Variants in CELA3A observed in about 807,000 individuals in gnomAD.
CELA3A encodes the protein chymotrypsin like elastase 3A.
A neutral mutation model predicts 38.6 loss-of-function variants in CELA3A; 35 were observed. That is an observed-to-expected ratio of 0.91 (90% confidence interval 0.69 to 1.20). The LOEUF (loss-of-function observed/expected upper bound fraction) is 1.20, where lower values mean the gene tolerates loss of function less well. CELA3A is among the 50% of genes most tolerant of loss of function. The pLI is 0.00. For synonymous variants in CELA3A, 143 were observed against 136.7 expected, an observed-to-expected ratio of 1.05 and a Z score of -0.32; for missense variants, 343 against 354.2, an observed-to-expected ratio of 0.97 and a Z score of 0.25.
chr1:22,002,468 G>C (rs1234891606), intron 1 of CELA3A: 1 of 449,832 alleles, frequency 2.2e-6, no homozygotes, highest in Non-Finnish European at 4.5e-6. Context: ...GAGTAGCTGA[G>C]ATTATAGGCA....
At chr1:22,004,817 G>C (rs1644939264) in intron 2 of CELA3A, among the ~76,000 whole-genome samples, 2 of 151,094 alleles carry the variant, frequency 1.3e-5, no homozygotes, top group Admixed American at 1.3e-4. Context: ...AGAGTCAGGG[G>C]GGCTGGGCGC....
chr1:22,005,751 A>C lies in CELA3A; in HGVS notation c.317A>C (p.Glu106Ala), dbSNP rs1033305351. 29 of 1,611,694 alleles carry C rather than the reference A, an allele frequency of 1.8e-5. No homozygotes were observed. Among genetic ancestry groups the C allele is most frequent in the Middle Eastern group, 1.7e-4 (1 of 5,758 alleles). Reference protein sequence around the residue: ...PEQVIPINSEELFVHPLWNRS... With the variant: ...PEQVIPINSEALFVHPLWNRS... ...CAGGTGATCCCCATCAACTCTGAGG[A>C]GCTGTTTGTGCATCCACTCTGGAAC... The change falls in exon 4 of 8, where the codon GAG becomes GCG. Residue 106 changes from glutamate to alanine, a missense_variant. Coordinates refer to ENST00000290122, the MANE Select transcript of CELA3A (RefSeq NM_005747.5).
At chr1:22,007,970 A>G (rs1378140069) in intron 6 of CELA3A, among the ~76,000 whole-genome samples, 1 of 150,708 alleles carries the variant, frequency 6.6e-6, no homozygotes, top group Admixed American at 6.6e-5. Flanking sequence ...TAGGTAATAT[A>G]GTGAGATGCC....
chr1:22,012,231 C>G (rs1301968944), intron 7 of CELA3A, among the ~76,000 whole-genome samples: 2 of 126,582 alleles, frequency 1.6e-5, no homozygotes, highest in Non-Finnish European at 3.2e-5. Flanking sequence ...TAAATTTGTG[C>G]TGGGCATTGT....
At chr1:22,006,465 T>C (rs1333407662) in intron 4 of CELA3A, among the ~76,000 whole-genome samples, 1 of 151,276 alleles carries the variant, frequency 6.6e-6, no homozygotes, top group Non-Finnish European at 1.5e-5. Flanking sequence ...AGGCGGAGGC[T>C]GCAGTGAGCC....
intron 7 of CELA3A, chr1:22,010,736 T>C (rs1165444134): frequency 6.6e-6 from 1 of 151,822 alleles, no homozygotes; most frequent in Non-Finnish European, 1.4e-5. Context: ...TTCTGGGCCA[T>C]AGTGCGCTAT....
chr1:22,005,501 C>T lies in CELA3A; in HGVS notation c.184C>T (p.Leu62Phe), dbSNP rs1179401968. The T allele has an allele frequency of 6.2e-7, 1 of 1,613,136 alleles. No homozygotes were observed. The highest frequency in any genetic ancestry group is 1.7e-5 in the Admixed American group (1 of 59,982). The change falls in exon 3 of 8, where the codon CTC becomes TTC. Residue 62 changes from leucine to phenylalanine, a missense_variant. Transcript: ENST00000290122. ...GSFYHTCGGS[L>F]IAPDWVVTAG... ...CTTCTACCACACGTGTGGCGGTAGC[C>T]TCATCGCCCCCGATTGGGTTGTGAC...
intron 2 of CELA3A, 56 bp from the exon 3 acceptor site, chr1:22,005,391 G>A: frequency 6.3e-7 from 1 of 1,597,902 alleles, no homozygotes; most frequent in South Asian, 1.1e-5. Context: ...AGCCATTGGT[G>A]GCAACTCTCA....
Position 22,005,585 on chromosome 1 carries a change from C to T in CELA3A, c.227+41C>T, listed in dbSNP as rs369631147. ...TGTCCCTGCCTGTGGCCCTGGGCAGCGGGGGAGAGTGGGTGATGATGGGGA... is the reference window on the plus strand; with the variant it reads ...TGTCCCTGCCTGTGGCCCTGGGCAGTGGGGGAGAGTGGGTGATGATGGGGA... On this transcript the variant is annotated intron_variant, in intron 3 of 7. Coordinates refer to ENST00000290122, the MANE Select transcript of CELA3A (RefSeq NM_005747.5). 82 of 1,611,968 alleles carry T rather than the reference C, an allele frequency of 5.1e-5. 3 individuals are homozygous for T. Among genetic ancestry groups the T allele is most frequent in the East Asian group, 2.2e-4 (10 of 44,694 alleles).
intron 1 of CELA3A, among the ~76,000 whole-genome samples, chr1:22,002,115 T>A (rs1287616259): frequency 4.6e-5 from 7 of 151,194 alleles, no homozygotes; most frequent in African/African-American, 1.7e-4. Context: ...TCTGCCATAT[T>A]ACATTCCAGC....
At chr1:22,005,980 G>C in intron 4 of CELA3A, 184 bp downstream of exon 4, 1 of 974,106 alleles carries the variant, frequency 1.0e-6, no homozygotes, top group Non-Finnish European at 1.5e-6. Context: ...AGCCAGCAGA[G>C]CCTTTAAGGA....
At chr1:22,002,740 T>C in intron 1 of CELA3A, 2 of 481,176 alleles carry the variant, frequency 4.2e-6, no homozygotes, top group Non-Finnish European at 7.6e-6. Flanking sequence ...GGCCAGGCAT[T>C]GTTCTAAGTG....
At chr1:22,008,586 C>T (rs1379323035) in intron 6 of CELA3A, among the ~76,000 whole-genome samples, 2 of 150,426 alleles carry the variant, frequency 1.3e-5, no homozygotes, top group Admixed American at 6.6e-5. Context: ...GGTGAAACCT[C>T]GTCTCTACTA....
chr1:22,003,543 C>T (rs1206764409), intron 2 of CELA3A, among the ~76,000 whole-genome samples: 4 of 150,398 alleles, frequency 2.7e-5, no homozygotes, highest in Admixed American at 2.0e-4. Flanking sequence ...AGGCCAGGTG[C>T]GGTGGCTCAC....
chr1:22,005,018 G>A (rs1264771937), intron 2 of CELA3A, among the ~76,000 whole-genome samples: 2 of 150,548 alleles, frequency 1.3e-5, no homozygotes, highest in Non-Finnish European at 2.9e-5. Context: ...AGAATCGCTT[G>A]AACCCGGGAG....
At chr1:22,009,081 T>C (rs1183321588) in intron 6 of CELA3A, among the ~76,000 whole-genome samples, 1 of 151,186 alleles carries the variant, frequency 6.6e-6, no homozygotes, top group Non-Finnish European at 1.5e-5. Context: ...CTCTATTAAA[T>C]ATGGCTGGGT....
At chr1:22,006,706 G>A (rs1480500823) in intron 4 of CELA3A, among the ~76,000 whole-genome samples, 172 bp from the exon 5 acceptor site, 1 of 115,430 alleles carries the variant, frequency 8.7e-6, no homozygotes, top group Admixed American at 9.6e-5. Flanking sequence ...AACAGACCGA[G>A]ACTCTGTCTC....
chr1:22,009,449 G>A (rs1366059519), intron 6 of CELA3A, among the ~76,000 whole-genome samples: 2 of 151,402 alleles, frequency 1.3e-5, no homozygotes, highest in East Asian at 3.9e-4. Flanking sequence ...GGAGGCTGAA[G>A]CAGGAGAATC....
chr1:22,007,923 G>A (rs1353300475), intron 6 of CELA3A, among the ~76,000 whole-genome samples: 3 of 150,922 alleles, frequency 2.0e-5, no homozygotes, highest in East Asian at 1.9e-4. Flanking sequence ...AGGCTGAGGT[G>A]GGAGGATTGC....
Sources: gnomAD v4.1 joint callset for allele counts (sites outside exome capture counted in the v4.1 genomes callset) on GRCh38, gnomAD v4.1.1 for gene constraint, MANE v1.5 for transcripts, NCBI Gene and HGNC (gene_info 2026-07-23, HGNC 2026-07-21) for gene names.